The following DAPK2 variants were observed in gnomAD, a reference collection of about 807,000 sequenced individuals.
DAPK2 encodes death-associated protein kinase 2.
DAPK2 carries 35 observed loss-of-function variants against 44.1 expected under a neutral mutation model. The observed-to-expected ratio is 0.79, with a 90% CI of 0.61 to 1.05. The LOEUF is 1.05. Ranked by LOEUF, DAPK2 falls within the 50% of genes least tolerant of loss-of-function variation. The pLI is 0.00. For synonymous variants in DAPK2, 174 were observed against 182.6 expected, an observed-to-expected ratio of 0.95 and a Z score of 0.38; for missense variants, 453 against 483.2, an observed-to-expected ratio of 0.94 and a Z score of 0.59.
At chr15:63,944,309 C>T (rs2077394966) in intron 3 of DAPK2, among the ~76,000 whole-genome samples, 1 of 152,158 alleles carries the variant, frequency 6.6e-6, no homozygotes, top group South Asian at 2.1e-4. Context: ...CAGACCTGCC[C>T]TGATTGGGAG....
At chr15:64,015,500 T>A (rs1238735365) in intron 1 of DAPK2, among the ~76,000 whole-genome samples, 1 of 152,064 alleles carries the variant, frequency 6.6e-6, no homozygotes. Flanking sequence ...GAAACAGGGG[T>A]GGGCAGTCAT....
Position 63,939,147 on chromosome 15 carries a change from A to G in DAPK2, c.583+85T>C. On this transcript the variant is annotated intron_variant, in intron 4 of 10. Coordinates refer to ENST00000261891, the Ensembl canonical transcript of DAPK2. This position sits in a 1 kb window ranked among gnomAD's most constrained non-coding sequence, Gnocchi z 4.3. ...TGCATCATCTCTTTGCTCAGAGGCC[A>G]TAGCCCCAGACACAGGTTTCTTCCC... The G allele has an allele frequency of 2.5e-6, 4 of 1,574,104 alleles. No individual in the cohort carries two copies. Among genetic ancestry groups the G allele is most frequent in the East Asian group, 2.3e-5 (1 of 44,434 alleles).
Position 63,923,064 on chromosome 15 carries a change from T to C in DAPK2, c.858+1752A>G. 1 of 1,535,712 alleles carries C rather than the reference T, an allele frequency of 6.5e-7. No homozygotes were observed. The highest frequency in any genetic ancestry group is 1.2e-5 in the South Asian group (1 of 84,018). On this transcript the variant is annotated intron_variant, in intron 8 of 10. Coordinates refer to ENST00000261891, the Ensembl canonical transcript of DAPK2. This position sits in a 1 kb window ranked among gnomAD's most constrained non-coding sequence, Gnocchi z 4.2. ...AGCTGGGACAGGTCATGCCGGGCGCTCTCATTCTCCTCTCGGTACCAAGCT... is the reference window on the plus strand; with the variant it reads ...AGCTGGGACAGGTCATGCCGGGCGCCCTCATTCTCCTCTCGGTACCAAGCT...
At chr15:64,033,291 A>C in intron 1 of DAPK2, among the ~76,000 whole-genome samples, 2 of 40,976 alleles carry the variant, frequency 4.9e-5, no homozygotes, top group Non-Finnish European at 1.2e-4. Context: ...GGAAGGGGGA[A>C]GGAAGGAAGG....
chr15:63,963,824 C>G (rs959428395), intron 3 of DAPK2, among the ~76,000 whole-genome samples: 3 of 152,152 alleles, frequency 2.0e-5, no homozygotes, highest in Non-Finnish European at 4.4e-5. Flanking sequence ...AGCTAACAAG[C>G]AAAGAGAAAA....
chr15:64,032,697 T>A (rs1251905554), intron 1 of DAPK2, among the ~76,000 whole-genome samples: 1 of 152,148 alleles, frequency 6.6e-6, no homozygotes, highest in Non-Finnish European at 1.5e-5. Context: ...ACACCTATAA[T>A]CCCAGCACTT....
intron 1 of DAPK2, among the ~76,000 whole-genome samples, chr15:64,002,974 C>CTGTGTGTGTG (rs58879927): frequency 0.027 from 1,379 of 51,416 alleles, 81 homozygotes; most frequent in East Asian, 0.06. Flanking sequence ...GTCGTGGGAC[C>CTGTGTGTGTG]TGTGTGTGTG....
intron 2 of DAPK2, among the ~76,000 whole-genome samples, chr15:63,973,670 GAATT>G (rs892553593): frequency 1.3e-5 from 2 of 152,288 alleles, no homozygotes; most frequent in African/African-American, 2.4e-5. Flanking sequence ...GTTGATGCTG[GAATT>G]AATTAAGAGT....
chr15:64,017,770 A>G (rs2079570411), intron 1 of DAPK2, among the ~76,000 whole-genome samples: 1 of 152,240 alleles, frequency 6.6e-6, no homozygotes, highest in African/African-American at 2.4e-5. Context: ...ACAGTTCTGT[A>G]CAAATTCAGG....
Position 63,923,313 on chromosome 15 carries a change from G to T in DAPK2, c.858+1503C>A, listed in dbSNP as rs746142106. 1 of 1,535,794 alleles carries T rather than the reference G, an allele frequency of 6.5e-7. No homozygotes were observed. On this transcript the variant is annotated intron_variant, in intron 8 of 10. Transcript: ENST00000261891. This position sits in a 1 kb window ranked among gnomAD's most constrained non-coding sequence, Gnocchi z 4.2. ...TTCAGCTGGGTGGGCTCTGTCTTCC[G>T]CTGTTCAGGGGCTCTGCCTTCTCCT...
intron 10 of DAPK2, among the ~76,000 whole-genome samples, chr15:63,910,210 C>T (rs1297597656): frequency 6.6e-6 from 1 of 152,242 alleles, no homozygotes; most frequent in African/African-American, 2.4e-5. Context: ...TTGGCCAAAG[C>T]CACACAGTTG....
intron 1 of DAPK2, among the ~76,000 whole-genome samples, chr15:64,010,474 G>T (rs1468366778): frequency 6.6e-6 from 1 of 152,116 alleles, no homozygotes; most frequent in Non-Finnish European, 1.5e-5. Context: ...ATAGGTATAG[G>T]CATGGGGATC....
At chr15:63,931,704 G>C (rs1252034700) in intron 4 of DAPK2, among the ~76,000 whole-genome samples, 1 of 152,194 alleles carries the variant, frequency 6.6e-6, no homozygotes, top group Non-Finnish European at 1.5e-5. Flanking sequence ...CCATGTACAG[G>C]AAGGAGCAGG....
intron 1 of DAPK2, among the ~76,000 whole-genome samples, chr15:64,007,461 A>G (rs1455654573): frequency 6.6e-6 from 1 of 151,788 alleles, no homozygotes; most frequent in East Asian, 1.9e-4. Flanking sequence ...TCCATCCTCC[A>G]AGAGCCAGTA....
chr15:63,995,836 G>A (rs2078937676), intron 1 of DAPK2, among the ~76,000 whole-genome samples: 1 of 152,182 alleles, frequency 6.6e-6, no homozygotes, highest in African/African-American at 2.4e-5. Context: ...GAGGCAACCA[G>A]CACAAGACCC....
chr15:64,036,309 G>GTATATATA, intron 1 of DAPK2, among the ~76,000 whole-genome samples: 1 of 60,526 alleles, frequency 1.7e-5, no homozygotes, highest in Non-Finnish European at 4.0e-5. Flanking sequence ...GTGTGTGTGT[G>GTATATATA]TATATATATG....
chr15:63,930,358 C>A (rs1457596892), intron 5 of DAPK2, 49 bp downstream of exon 6: 1 of 1,588,590 alleles, frequency 6.3e-7, no homozygotes, highest in Non-Finnish European at 8.6e-7. Context: ...CTGAGGCCTT[C>A]CGCCCTTGGA....
At chr15:63,921,690 G>T (rs1409910211) in intron 8 of DAPK2, 2 of 152,230 alleles carry the variant, frequency 1.3e-5, no homozygotes, top group East Asian at 1.9e-4. Context: ...GGCCTTCAAG[G>T]CCCAATGGCC....
At chr15:64,015,079 GAGA>G (rs2079488650) in intron 1 of DAPK2, among the ~76,000 whole-genome samples, 1 of 152,116 alleles carries the variant, frequency 6.6e-6, no homozygotes, top group Non-Finnish European at 1.5e-5. Context: ...CAGAAGAGGA[GAGA>G]AGAACAGATT....
Sources: gnomAD v4.1 joint callset for allele counts (sites outside exome capture counted in the v4.1 genomes callset) on GRCh38, gnomAD v4.1.1 for gene constraint, Gnocchi (gnomAD v3.1) non-coding constraint, MANE v1.5 for transcripts, NCBI Gene and HGNC (gene_info 2026-07-23, HGNC 2026-07-21) for gene names.